The following ZNF236 variants were observed in gnomAD, a reference collection of about 807,000 sequenced individuals.
ZNF236 encodes the protein zinc finger protein 236, also known as regulated by glucose.
A neutral mutation model predicts 191.2 loss-of-function variants in ZNF236; 50 were observed. That is an observed-to-expected ratio of 0.26 (90% CI 0.21 to 0.33). The LOEUF is 0.33. Among genes scored for constraint, ZNF236 ranks in the 10% least tolerant of loss-of-function variants. The pLI is 1.00. For synonymous variants in ZNF236, 907 were observed against 928.8 expected (o/e 0.98, Z 0.43); for missense variants, 1,754 against 2,374.5 (o/e 0.74, Z 5.43).
At chr18:76,924,009 A>G (rs1044977921) in intron 21 of ZNF236, among the ~76,000 whole-genome samples, 2 of 152,198 alleles carry the variant, frequency 1.3e-5, no homozygotes, top group African/African-American at 4.8e-5. Flanking sequence ...TATAAGCAGA[A>G]TTCAACAGAC....
rs775394768 is a variant in ZNF236 at position 76,959,822 on chromosome 18, G to A, written c.5242+6G>A. 6.2e-5 allele frequency: 100 copies of A among 1,612,362 alleles called. 2 individuals carry two copies. In the South Asian group the frequency reaches 1.0e-3, roughly 17 times the overall value. ...CCACAGCCGCATACATACAGGTAACGGGGAAGGACGTGCTTTTGTTTCCTT... is the reference window on the plus strand; with the variant it reads ...CCACAGCCGCATACATACAGGTAACAGGGAAGGACGTGCTTTTGTTTCCTT... On this transcript the variant is annotated splice_donor_region_variant and intron_variant, in intron 29 of 30. Transcript: ENST00000320610.
chr18:76,931,786 T>G (rs900586537), intron 25 of ZNF236, among the ~76,000 whole-genome samples: 1 of 152,246 alleles, frequency 6.6e-6, no homozygotes, highest in Non-Finnish European at 1.5e-5. Flanking sequence ...AAGTAACCAT[T>G]AACAGTTTAG....
intron 9 of ZNF236, among the ~76,000 whole-genome samples, chr18:76,883,233 G>A (rs1976949375): frequency 6.6e-6 from 1 of 152,148 alleles, no homozygotes; most frequent in South Asian, 2.1e-4. Flanking sequence ...TACAGAGTTG[G>A]TAACAATTAG....
chr18:76,920,684 A>T (rs940444621), intron 20 of ZNF236, among the ~76,000 whole-genome samples: 3 of 152,234 alleles, frequency 2.0e-5, no homozygotes, highest in African/African-American at 4.8e-5. Context: ...GACAGGCAGA[A>T]GAGCAGCAGG....
intron 1 of ZNF236, among the ~76,000 whole-genome samples, chr18:76,833,139 A>G (rs1320846988): frequency 6.6e-6 from 1 of 152,200 alleles, no homozygotes; most frequent in Non-Finnish European, 1.5e-5. Flanking sequence ...CTGTAATCAT[A>G]TTTGTAAATA....
intron 1 of ZNF236, among the ~76,000 whole-genome samples, chr18:76,823,829 A>T (rs1236220184): frequency 6.6e-6 from 1 of 151,716 alleles, no homozygotes; most frequent in African/African-American, 2.4e-5. Flanking sequence ...GCAGTGGGGT[A>T]GGGGGCGCCG....
chr18:76,930,619 G>C (rs1967820084), intron 25 of ZNF236, among the ~76,000 whole-genome samples: 1 of 152,220 alleles, frequency 6.6e-6, no homozygotes, highest in Non-Finnish European at 1.5e-5. Flanking sequence ...GAACACATAG[G>C]ATAGGAACAC....
At chr18:76,878,222 T>C in intron 7 of ZNF236, 70 bp downstream of exon 7, 2 of 1,428,742 alleles carry the variant, frequency 1.4e-6, no homozygotes, top group East Asian at 2.4e-5. Context: ...ACCTTTACAA[T>C]TGAATATTTA....
intron 5 of ZNF236, among the ~76,000 whole-genome samples, chr18:76,872,871 C>G (rs1300086848): frequency 1.3e-5 from 2 of 151,886 alleles, no homozygotes; most frequent in African/African-American, 4.8e-5. Context: ...AGCTATTTTG[C>G]TTGGCTGCTA....
intron 3 of ZNF236, among the ~76,000 whole-genome samples, chr18:76,855,059 G>A (rs1481298150): frequency 1.3e-5 from 2 of 152,120 alleles, no homozygotes; most frequent in Admixed American, 1.3e-4. Context: ...CCAAGTAGCT[G>A]GGATTACAGG....
At position 76,943,122 on chromosome 18, in the gene ZNF236, C is replaced by CAAAAA. The variant is rs530931580; in HGVS notation, c.4783-4383_4783-4379dup. Among the ~76,000 whole-genome samples the CAAAAA allele has an allele frequency of 1.4e-4, 12 of 85,676 alleles. 1 individual carries two copies. Among genetic ancestry groups the CAAAAA allele is most frequent in the South Asian group, 1.4e-3 (3 of 2,168 alleles). The allele number at this position is 85,676 out of a possible 152,430, so 56.2% of individuals were successfully genotyped here. On this transcript the variant is annotated intron_variant, in intron 26 of 30. Transcript: ENST00000320610. ...TGGGCGACAGAGTGAGACTCCGTCT[C>CAAAAA]AAAAAAAAAAAAAAAAAAAAGAAGA...
At position 76,960,826 on chromosome 18, in the gene ZNF236, T is replaced by A. The variant is rs1293289986; in HGVS notation, c.5390T>A (p.Leu1797Gln). The A allele has an allele frequency of 6.2e-7, 1 of 1,613,806 alleles. No individual in the cohort carries two copies. Among genetic ancestry groups the A allele is most frequent in the Non-Finnish European group, 8.5e-7 (1 of 1,179,786 alleles). ...TTCACGCAGAAGAGCAACATGAAGC[T>A]GCACATGAAGCGGGCGCACAGCTAT... ...MGFTQKSNMK[L>Q]HMKRAHSYAG... The change falls in exon 30 of 31, where the codon CTG becomes CAG. Residue 1797 changes from leucine to glutamine, a missense_variant. By Grantham distance (113) the Leu-to-Gln change is moderately radical. Coordinates refer to ENST00000320610, the MANE Select transcript of ZNF236 (RefSeq NM_001306089.2). The surrounding 1 kb of genome is among the most constrained non-coding windows in gnomAD (Gnocchi z 4.4).
chr18:76,822,852 T>G (rs1219530127), intron 1 of ZNF236, among the ~76,000 whole-genome samples, 190 bp downstream of exon 1: 2 of 144,798 alleles, frequency 1.4e-5, no homozygotes, highest in African/African-American at 2.5e-5. Context: ...TACGGGCGAG[T>G]CGCCGCCCGG....
chr18:76,966,360 GAC>G (rs1281630078), intron 30 of ZNF236, among the ~76,000 whole-genome samples: 2 of 151,016 alleles, frequency 1.3e-5, no homozygotes, highest in African/African-American at 2.4e-5. Context: ...CACACACAGA[GAC>G]ACACACACAG....
chr18:76,852,552 G>C (rs9783917), intron 3 of ZNF236, among the ~76,000 whole-genome samples: 3,985 of 151,928 alleles, frequency 0.026, 158 homozygotes, highest in African/African-American at 0.088. Flanking sequence ...TGTTATCCCA[G>C]TGTTTGGGAA....
chr18:76,868,035 G>A (rs1193239075), intron 3 of ZNF236, among the ~76,000 whole-genome samples: 2 of 151,940 alleles, frequency 1.3e-5, no homozygotes, highest in Non-Finnish European at 2.9e-5. Flanking sequence ...ATTAAAATAT[G>A]TCCAAAATAT....
intron 5 of ZNF236, among the ~76,000 whole-genome samples, chr18:76,874,808 G>A (rs1165676369): frequency 5.9e-5 from 9 of 152,206 alleles, no homozygotes; most frequent in Non-Finnish European, 8.8e-5. Flanking sequence ...GTCTGAGGGC[G>A]GTGGCAGAAG....
Position 76,826,657 on chromosome 18 carries a change from G to C in ZNF236, c.55+3995G>C, listed in dbSNP as rs557627317. Among the ~76,000 whole-genome samples the C allele has an allele frequency of 2.6e-5, 4 of 151,462 alleles. No homozygotes were observed. In the East Asian group the frequency reaches 8.3e-4, roughly 31 times the overall value. On this transcript the variant is annotated intron_variant, in intron 1 of 30. Transcript: ENST00000320610. ...AAAAAAAAAATACCAAAGTTAGCCA[G>C]GCATGGTGGCTGGCGCCTGTAGTCG...
chr18:76,832,223 G>A (rs1171867321), intron 1 of ZNF236, among the ~76,000 whole-genome samples: 1 of 151,980 alleles, frequency 6.6e-6, no homozygotes, highest in Admixed American at 6.6e-5. Flanking sequence ...CAGATTACAG[G>A]TGCGCACCAC....
Sources: gnomAD v4.1 joint callset for allele counts (sites outside exome capture counted in the v4.1 genomes callset) on GRCh38, gnomAD v4.1.1 for gene constraint, Gnocchi (gnomAD v3.1) non-coding constraint, MANE v1.5 for transcripts, NCBI Gene and HGNC (gene_info 2026-07-23, HGNC 2026-07-21) for gene names.